The following CDH18 variants were observed in gnomAD, a reference collection of about 807,000 sequenced individuals.
CDH18 encodes the protein cadherin 18.
In CDH18, 31 loss-of-function variants were observed where a neutral mutation model predicts 67.9. That is an observed-to-expected ratio of 0.46 (90% CI 0.34 to 0.62). The LOEUF (loss-of-function observed/expected upper bound fraction) is 0.62, where lower values mean the gene tolerates loss of function less well. CDH18 is among the 20% of genes least tolerant of loss of function. The probability of loss-of-function intolerance (pLI) is 0.01; values close to 1 mark genes in which losing one functional copy is unlikely to be tolerated. For missense variants in CDH18, 890 were observed against 975.5 expected, an observed-to-expected ratio of 0.91 and a Z score of 1.17; for synonymous variants, 362 against 347.2, an observed-to-expected ratio of 1.04 and a Z score of -0.48.
chr5:20,338,963 G>A (rs1399810388), intron 1 of CDH18, among the ~76,000 whole-genome samples: 1 of 152,142 alleles, frequency 6.6e-6, no homozygotes, highest in Non-Finnish European at 1.5e-5. Context: ...TAGCTACTCT[G>A]GATCCATAGG....
intron 1 of CDH18, among the ~76,000 whole-genome samples, chr5:20,426,207 C>T (rs1339334150): frequency 6.6e-6 from 1 of 150,956 alleles, no homozygotes. Context: ...TATTAATAGA[C>T]CAGAATAATA....
chr5:19,632,594 CTTATTACCTG>C (rs770342575), intron 5 of CDH18, among the ~76,000 whole-genome samples: 2 of 152,134 alleles, frequency 1.3e-5, no homozygotes, highest in Non-Finnish European at 2.9e-5. Flanking sequence ...TTATCAAACC[CTTATTACCTG>C]TTATCATGAG....
rs577425737 is a variant in CDH18, at chr5:20,460,669, G to A, written c.-580+114793C>T. Among the ~76,000 whole-genome samples the A allele has an allele frequency of 4.6e-5, 7 of 152,188 alleles. No homozygotes were observed. In the South Asian group the frequency reaches 1.5e-3, roughly 32 times the overall value. The stretch of plus-strand genomic sequence containing the variant: ...CATCAGTTATTTGAAGTTTCATTAA[G>A]GAGAGGAAAGAGAGATAGAATTCTG... On this transcript the variant is annotated intron_variant, in intron 1 of 14. Transcript: ENST00000507958.
At chr5:20,574,054 T>C (rs908956448) in intron 1 of CDH18, among the ~76,000 whole-genome samples, 1 of 150,990 alleles carries the variant, frequency 6.6e-6, no homozygotes, top group Non-Finnish European at 1.5e-5. Flanking sequence ...AACTGTACTT[T>C]CCAAAATTCA....
chr5:20,405,716 A>T (rs140926309), intron 1 of CDH18, among the ~76,000 whole-genome samples: 1,613 of 152,338 alleles, frequency 0.011, 32 homozygotes, highest in African/African-American at 0.037. Context: ...TCCAGAATCT[A>T]CAAAGAACTC....
intron 1 of CDH18, among the ~76,000 whole-genome samples, chr5:20,340,052 T>C (rs1740126608): frequency 6.6e-6 from 1 of 152,122 alleles, no homozygotes; most frequent in South Asian, 2.1e-4. Flanking sequence ...TTCTAATGTG[T>C]ATATTAGAGG....
chr5:20,223,427 G>A (rs374061639), intron 2 of CDH18, among the ~76,000 whole-genome samples: 6 of 152,216 alleles, frequency 3.9e-5, no homozygotes, highest in African/African-American at 1.4e-4. Context: ...ATTGTGGAAG[G>A]GACTTGCCTT....
intron 2 of CDH18, among the ~76,000 whole-genome samples, chr5:20,226,240 T>C (rs1424492503): frequency 3.3e-5 from 5 of 152,146 alleles, no homozygotes; most frequent in Admixed American, 6.6e-5. Flanking sequence ...TTTTTGAATG[T>C]ATGCACACCA....
At chr5:19,856,045 T>G (rs759965636) in intron 2 of CDH18, among the ~76,000 whole-genome samples, 3 of 152,216 alleles carry the variant, frequency 2.0e-5, no homozygotes, top group Non-Finnish European at 2.9e-5. Flanking sequence ...TATCTAGAGC[T>G]TCTACTTTGT....
chr5:19,547,826 AAGTTGCAATT>A (rs1343653709), intron 8 of CDH18, among the ~76,000 whole-genome samples: 1 of 152,154 alleles, frequency 6.6e-6, no homozygotes, highest in African/African-American at 2.4e-5. Context: ...CTTATTCACG[AAGTTGCAATT>A]GAATTTTGAC....
At chr5:19,742,884 A>C (rs558191857) in intron 4 of CDH18, among the ~76,000 whole-genome samples, 14 of 152,254 alleles carry the variant, frequency 9.2e-5, no homozygotes, top group African/African-American at 3.4e-4. Flanking sequence ...TTTTGTTGTC[A>C]CCTGCTTACA....
intron 5 of CDH18, among the ~76,000 whole-genome samples, chr5:19,691,360 T>C (rs1249957693): frequency 2.0e-5 from 3 of 151,886 alleles, no homozygotes; most frequent in Non-Finnish European, 4.4e-5. Context: ...TCACAACTCC[T>C]ATTCAACATA....
intron 2 of CDH18, among the ~76,000 whole-genome samples, chr5:20,183,803 G>A (rs1005818916): frequency 3.3e-5 from 5 of 152,066 alleles, no homozygotes; most frequent in Non-Finnish European, 5.9e-5. Flanking sequence ...TGTCAGCTCA[G>A]TAACTATGCA....
intron 1 of CDH18, among the ~76,000 whole-genome samples, chr5:20,278,026 T>G (rs909529601): frequency 2.0e-5 from 3 of 151,870 alleles, no homozygotes; most frequent in Middle Eastern, 3.2e-3. Flanking sequence ...ATCTAGAAAA[T>G]AGCCTAAAAA....
Position 20,046,664 on chromosome 5 carries a change from ATG to A in CDH18, c.-517-54652_-517-54651del, listed in dbSNP as rs200535661. Among the ~76,000 whole-genome samples the A allele has an allele frequency of 4.8e-4, 72 of 148,808 alleles. 1 individual carries two copies. The highest frequency in any genetic ancestry group is 2.7e-3 in the East Asian group (14 of 5,126). ...ATAAATTTTATATGTCTGTGTGAAT[ATG>A]TGTGTGTGTGTATATATATATCTCT... On this transcript the variant is annotated intron_variant, in intron 2 of 14. Coordinates refer to the CDH18 transcript ENST00000507958.
intron 4 of CDH18, among the ~76,000 whole-genome samples, chr5:19,723,361 A>G (rs758669339): frequency 5.3e-5 from 8 of 152,208 alleles, no homozygotes; most frequent in Non-Finnish European, 1.2e-4. Flanking sequence ...GGGATCCTAG[A>G]AAATAGAATA....
At position 20,312,643 on chromosome 5, in the gene CDH18, G is replaced by T. The variant is rs1384629232; in HGVS notation, c.-579-57138C>A. Among the ~76,000 whole-genome samples the T allele has an allele frequency of 2.6e-5, 4 of 152,136 alleles. No homozygotes were observed. In the East Asian group the frequency reaches 7.8e-4, roughly 29 times the overall value. On this transcript the variant is annotated intron_variant, in intron 1 of 14. Coordinates refer to the CDH18 transcript ENST00000507958. ...AACTGCCCAGGTCTTTCTACAGTTTGCCATGTCAAAGCCAAAGTCTTCTGT... is the reference window on the plus strand; with the variant it reads ...AACTGCCCAGGTCTTTCTACAGTTTTCCATGTCAAAGCCAAAGTCTTCTGT...
At chr5:19,552,995 A>C (rs986571122) in intron 8 of CDH18, among the ~76,000 whole-genome samples, 5 of 152,202 alleles carry the variant, frequency 3.3e-5, no homozygotes, top group East Asian at 1.9e-4. Flanking sequence ...AGTGAGATGA[A>C]AATTTATTAT....
At position 20,180,046 on chromosome 5, in the gene CDH18, G is replaced by C. The variant is rs540674667; in HGVS notation, c.-518+75398C>G. ...TAAATACAAAATTGAATGCAGGATT[G>C]TGTAAAGACAATGCCAGGTTGGACT... On this transcript the variant is annotated intron_variant, in intron 2 of 14. Coordinates refer to the CDH18 transcript ENST00000507958. Among the ~76,000 whole-genome samples, 13 of 152,262 alleles carry C rather than the reference G, an allele frequency of 8.5e-5. No homozygotes were observed. In the South Asian group the frequency reaches 2.7e-3, roughly 32 times the overall value.
Sources: allele counts gnomAD v4.1 joint callset (sites outside exome capture counted in the v4.1 genomes callset), GRCh38; gene constraint gnomAD v4.1.1; transcripts MANE v1.5; gene names NCBI Gene and HGNC (gene_info 2026-07-23, HGNC 2026-07-21).